The following HLTF variants were observed in gnomAD, a reference collection of about 807,000 sequenced individuals.
The protein encoded by HLTF is DNA-dependent ATPase/E3 ubiquitin-protein ligase HLTF.
A neutral mutation model predicts 129.4 loss-of-function variants in HLTF; 127 were observed. The ratio of observed to expected loss-of-function variants is 0.98; its 90% CI spans 0.85 to 1.14. The LOEUF (loss-of-function observed/expected upper bound fraction) is 1.14. Ranked by LOEUF, HLTF falls within the 50% of genes most tolerant of loss-of-function variation. The pLI is 0.00. For missense variants in HLTF, 1,139 were observed against 1,187.1 expected (o/e 0.96, Z 0.60); for synonymous variants, 332 against 388.8 (o/e 0.85, Z 1.72).
chr3:149,032,498 T>A, intron 24 of HLTF, 126 bp from the exon 25 acceptor site: 1 of 555,772 alleles, frequency 1.8e-6, no homozygotes, highest in Non-Finnish European at 3.0e-6. Context: ...CAAACTATAA[T>A]AACTATTTAA....
intron 19 of HLTF, chr3:149,041,946 A>G (rs1716165818): frequency 3.4e-6 from 2 of 585,298 alleles, no homozygotes; most frequent in African/African-American, 1.9e-5. Flanking sequence ...TCTTTCATCA[A>G]AGGGTATCTA....
intron 8 of HLTF, among the ~76,000 whole-genome samples, chr3:149,067,714 A>T (rs149071512): frequency 6.6e-5 from 10 of 152,122 alleles, no homozygotes; most frequent in Admixed American, 6.6e-4. Context: ...ATAAAAAAAA[A>T]CCTGTATTTT....
chr3:149,077,247 AAAATAAAT>A (rs201554369), intron 2 of HLTF, among the ~76,000 whole-genome samples: 41,995 of 143,534 alleles, frequency 0.29, 6,141 homozygotes, highest in African/African-American at 0.29. Context: ...ACTTCATCTC[AAAATAAAT>A]AAATAAATAA....
intron 2 of HLTF, among the ~76,000 whole-genome samples, chr3:149,077,077 G>A (rs552588410): frequency 4.0e-5 from 6 of 151,764 alleles, no homozygotes; most frequent in Admixed American, 1.3e-4. Flanking sequence ...TGAGACCCCC[G>A]TCTCTACTAA....
intron 2 of HLTF, among the ~76,000 whole-genome samples, chr3:149,082,378 G>A (rs1292767588): frequency 3.9e-5 from 6 of 152,190 alleles, no homozygotes; most frequent in Non-Finnish European, 8.8e-5. Context: ...AGAATGGCAT[G>A]AACTTGGGAG....
intron 24 of HLTF, among the ~76,000 whole-genome samples, chr3:149,033,169 C>G (rs1715279788): frequency 6.6e-6 from 1 of 151,910 alleles, no homozygotes; most frequent in African/African-American, 2.4e-5. Flanking sequence ...AAAACAGAAA[C>G]AAGTCAAGAA....
chr3:149,035,902 G>T (rs566103296), intron 23 of HLTF, among the ~76,000 whole-genome samples: 3 of 151,918 alleles, frequency 2.0e-5, no homozygotes, highest in African/African-American at 7.3e-5. Context: ...TTGGGAGGCC[G>T]AGGCAGGCAG....
Position 149,069,444 on chromosome 3 carries a change from G to C in HLTF, c.895-1109C>G, listed in dbSNP as rs1017023668. Among the ~76,000 whole-genome samples the C allele has an allele frequency of 2.7e-5, 4 of 149,712 alleles. No homozygotes were observed. The East Asian group carries it at 7.8e-4, about 29-fold the overall frequency. On this transcript the variant is annotated intron_variant, in intron 7 of 24. Transcript: ENST00000310053. ...CAAGACTGAACCATTACTCCAGCCT[G>C]GGCAACAAGAGTGAAACTCCATCTC...
At chr3:149,044,626 C>T (rs1716390525) in intron 18 of HLTF, among the ~76,000 whole-genome samples, 2 of 152,078 alleles carry the variant, frequency 1.3e-5, no homozygotes, top group Admixed American at 6.6e-5. Flanking sequence ...GGAAAATTCA[C>T]GGGCATCCTA....
chr3:149,083,213 T>C (rs998211990), intron 2 of HLTF, among the ~76,000 whole-genome samples: 1 of 151,554 alleles, frequency 6.6e-6, no homozygotes. Context: ...ATTGCACCAT[T>C]GCACTCCAGC....
chr3:149,069,030 A>G (rs952567196), intron 7 of HLTF, among the ~76,000 whole-genome samples: 3 of 152,198 alleles, frequency 2.0e-5, no homozygotes, highest in African/African-American at 4.8e-5. Flanking sequence ...TTACTCTGTT[A>G]ACATCTGCAC....
chr3:149,062,125 A>C (rs529744705), intron 10 of HLTF, among the ~76,000 whole-genome samples: 1 of 152,340 alleles, frequency 6.6e-6, no homozygotes, highest in Admixed American at 6.5e-5. Flanking sequence ...GAAAAATAGA[A>C]ATAAAAATAT....
chr3:149,078,181 A>G (rs1358673295), intron 2 of HLTF, among the ~76,000 whole-genome samples: 1 of 152,208 alleles, frequency 6.6e-6, no homozygotes, highest in Non-Finnish European at 1.5e-5. Flanking sequence ...AAAGCAATCA[A>G]TGTCAACTGT....
Position 149,031,514 on chromosome 3 carries a change from A to G in HLTF, c.*706T>C, listed in dbSNP as rs1249554987. ...GGTTTGCCTCTCACTCCCACAGACT[A>G]TATTTATACCTCAGACACAGCAAGT... is the stretch of plus-strand genomic sequence containing the variant. On this transcript the variant is annotated 3_prime_UTR_variant, in exon 25 of 25. Coordinates refer to ENST00000310053, the MANE Select transcript of HLTF (RefSeq NM_003071.4). The G allele has an allele frequency of 6.6e-6, 1 of 152,630 alleles. No individual in the cohort carries two copies. Among genetic ancestry groups the G allele is most frequent in the Non-Finnish European group, 1.5e-5 (1 of 68,026 alleles). The allele number at this position is 152,630 out of a possible 1,614,324, so 9.5% of individuals were successfully genotyped here.
chr3:149,052,760 G>C (rs1427581431), intron 14 of HLTF, among the ~76,000 whole-genome samples: 5 of 152,186 alleles, frequency 3.3e-5, no homozygotes, highest in Non-Finnish European at 7.4e-5. Context: ...AAGGAAATTA[G>C]AATCCAGCAT....
chr3:149,032,539 A>G (rs1216413443), intron 24 of HLTF, among the ~76,000 whole-genome samples, 167 bp from the exon 25 acceptor site: 3 of 152,214 alleles, frequency 2.0e-5, no homozygotes, highest in Admixed American at 6.5e-5. Context: ...CTTACCCAAT[A>G]TGGTTTTCTT....
At chr3:149,085,641 C>A (rs2108084155) in intron 1 of HLTF, among the ~76,000 whole-genome samples, 1 of 152,292 alleles carries the variant, frequency 6.6e-6, no homozygotes, top group Non-Finnish European at 1.5e-5. Context: ...TAACTCCCTG[C>A]GAGCAGAACA....
intron 9 of HLTF, among the ~76,000 whole-genome samples, chr3:149,063,741 T>C (rs1718140700): frequency 6.6e-6 from 1 of 152,124 alleles, no homozygotes; most frequent in South Asian, 2.1e-4. Context: ...CAGTCTTTTC[T>C]TTGTACTCAT....
At position 149,074,363 on chromosome 3, in the gene HLTF, A is replaced by C; in HGVS notation, c.396-15T>G. The C allele has an allele frequency of 6.3e-7, 1 of 1,583,252 alleles. No individual in the cohort carries two copies. Among genetic ancestry groups the C allele is most frequent in the Non-Finnish European group, 8.6e-7 (1 of 1,167,516 alleles). Reference sequence around the variant, plus strand: ...AAGGAACTACCCTATTATATTTGGGAGAAAAAGAAAGGGAAATCAGAAGCA... The same window carrying C: ...AAGGAACTACCCTATTATATTTGGGCGAAAAAGAAAGGGAAATCAGAAGCA... On this transcript the variant is annotated splice_polypyrimidine_tract_variant and intron_variant, in intron 3 of 24. Coordinates refer to ENST00000310053, the MANE Select transcript of HLTF (RefSeq NM_003071.4).
Sources: allele counts gnomAD v4.1 joint callset (sites outside exome capture counted in the v4.1 genomes callset), GRCh38; gene constraint gnomAD v4.1.1; transcripts MANE v1.5; gene names NCBI Gene and HGNC (gene_info 2026-07-23, HGNC 2026-07-21).